NALF1: variants seen among roughly 807,000 people sequenced by gnomAD.
The protein encoded by NALF1 is family with sequence similarity 155 member A.
Under a neutral mutation model 48.4 loss-of-function variants are expected in NALF1, and 3 were observed. The observed-to-expected ratio is 0.06, with a 90% CI of 0.03 to 0.16. NALF1 has a LOEUF of 0.16. Among genes scored for constraint, NALF1 ranks in the 10% least tolerant of loss-of-function variants. The probability of loss-of-function intolerance (pLI) is 1.00; values close to 1 mark genes in which losing one functional copy is unlikely to be tolerated. For synonymous variants in NALF1, 262 were observed against 245.7 expected, an observed-to-expected ratio of 1.07 and a Z score of -0.62; for missense variants, 526 against 571.5, an observed-to-expected ratio of 0.92 and a Z score of 0.81.
At chr13:107,746,095 T>C (rs963862509) in intron 1 of NALF1, among the ~76,000 whole-genome samples, 5 of 152,168 alleles carry the variant, frequency 3.3e-5, no homozygotes, top group African/African-American at 9.7e-5. Context: ...GGGAGAAATA[T>C]TTGCCAAAGC....
chr13:107,580,911 A>G (rs1878289057), intron 1 of NALF1, among the ~76,000 whole-genome samples: 1 of 152,186 alleles, frequency 6.6e-6, no homozygotes, highest in Non-Finnish European at 1.5e-5. Flanking sequence ...AGAAAGAGTC[A>G]CCTTAACAAT....
At chr13:107,500,896 G>T (rs955618456) in intron 1 of NALF1, among the ~76,000 whole-genome samples, 1 of 149,376 alleles carries the variant, frequency 6.7e-6, no homozygotes, top group Non-Finnish European at 1.5e-5. Flanking sequence ...GGTGGGAACT[G>T]AACAATGAAA....
intron 1 of NALF1, among the ~76,000 whole-genome samples, chr13:107,847,255 G>T (rs562459603): frequency 6.6e-6 from 1 of 152,036 alleles, no homozygotes; most frequent in African/African-American, 2.4e-5. Context: ...ATTTCTCTTT[G>T]ATTTATTGAC....
chr13:107,535,437 C>A (rs962983221), intron 1 of NALF1, among the ~76,000 whole-genome samples: 23 of 150,450 alleles, frequency 1.5e-4, no homozygotes, highest in African/African-American at 5.8e-4. Context: ...CAATAACAGA[C>A]AAACAGAGAG....
intron 1 of NALF1, among the ~76,000 whole-genome samples, chr13:107,762,154 G>A (rs1209104601): frequency 6.6e-6 from 1 of 151,916 alleles, no homozygotes. Flanking sequence ...GTGTGCTATG[G>A]TGCCAGGAAT....
intron 1 of NALF1, among the ~76,000 whole-genome samples, chr13:107,364,731 C>G (rs574594948): frequency 1.3e-5 from 2 of 152,106 alleles, no homozygotes; most frequent in African/African-American, 4.8e-5. Flanking sequence ...AGGATCTTCA[C>G]TGTAATACAG....
chr13:107,642,076 G>C (rs576924847), intron 1 of NALF1, among the ~76,000 whole-genome samples: 1 of 152,138 alleles, frequency 6.6e-6, no homozygotes, highest in Admixed American at 6.5e-5. Context: ...CTGGGAGCAC[G>C]TTGGAAAGGC....
intron 1 of NALF1, among the ~76,000 whole-genome samples, chr13:107,570,412 T>C (rs1446467642): frequency 6.6e-6 from 1 of 152,026 alleles, no homozygotes; most frequent in Non-Finnish European, 1.5e-5. Context: ...GTACTGAATT[T>C]TGTCAAATGT....
chr13:107,284,712 G>A (rs1881457759), intron 1 of NALF1, among the ~76,000 whole-genome samples: 1 of 152,142 alleles, frequency 6.6e-6, no homozygotes, highest in East Asian at 1.9e-4. Flanking sequence ...TAAAGAAGCA[G>A]TAGAGAGCTT....
chr13:107,187,999 C>A (rs920091973), intron 2 of NALF1, among the ~76,000 whole-genome samples: 1 of 151,992 alleles, frequency 6.6e-6, no homozygotes, highest in Non-Finnish European at 1.5e-5. Flanking sequence ...GTTTTTCATT[C>A]AATCATAATA....
chr13:107,281,258 T>C (rs367878816), intron 1 of NALF1, among the ~76,000 whole-genome samples: 1 of 152,314 alleles, frequency 6.6e-6, no homozygotes, highest in East Asian at 1.9e-4. Context: ...TGGTACATGG[T>C]TGACGATGAT....
chr13:107,492,577 A>T (rs1875177857), intron 1 of NALF1, among the ~76,000 whole-genome samples: 1 of 152,126 alleles, frequency 6.6e-6, no homozygotes, highest in African/African-American at 2.4e-5. Flanking sequence ...GCTTGCTATG[A>T]TATCCTATCC....
At chr13:107,472,049 T>C (rs1885109312) in intron 1 of NALF1, among the ~76,000 whole-genome samples, 1 of 152,168 alleles carries the variant, frequency 6.6e-6, no homozygotes, top group Non-Finnish European at 1.5e-5. Flanking sequence ...ACTTCAGATA[T>C]AGCCAGGCGC....
At position 107,500,425 on chromosome 13, in the gene NALF1, A is replaced by G. The variant is rs544157655; in HGVS notation, c.916-289670T>C. Reference sequence around the variant, plus strand: ...TGAGACACCATCTCACATCAGTTAGAATGGCAATCATTAAAAAGTCAGGAA... The same window carrying G: ...TGAGACACCATCTCACATCAGTTAGGATGGCAATCATTAAAAAGTCAGGAA... On this transcript the variant is annotated intron_variant, in intron 1 of 2. Coordinates refer to ENST00000375915, the MANE Select transcript of NALF1 (RefSeq NM_001080396.3). 2.6e-4 allele frequency among the ~76,000 whole-genome samples: 39 copies of G among 152,102 alleles called. 1 individual carries two copies. In the East Asian group the frequency reaches 3.9e-3, roughly 15 times the overall value.
chr13:107,178,214 A>G (rs901772468), intron 2 of NALF1, among the ~76,000 whole-genome samples: 3 of 152,228 alleles, frequency 2.0e-5, no homozygotes, highest in Non-Finnish European at 1.5e-5. Context: ...AGATCACACC[A>G]AGTTAAAACG....
chr13:107,801,968 G>GT (rs1269409562), intron 1 of NALF1, among the ~76,000 whole-genome samples: 1 of 151,942 alleles, frequency 6.6e-6, no homozygotes, highest in African/African-American at 2.4e-5. Context: ...AAGGAACCAT[G>GT]TTTTTTGCCT....
chr13:107,756,771 CCTCGGAACCAGGACCTACGCTCT>C (rs1476217275), intron 1 of NALF1, among the ~76,000 whole-genome samples: 1 of 152,018 alleles, frequency 6.6e-6, no homozygotes, highest in Non-Finnish European at 1.5e-5. Context: ...AACAATTAAC[CCTCGGAACCAGGACCTACGCTCT>C]CCCTTTCACA....
chr13:107,343,572 G>A (rs1057385595), intron 1 of NALF1, among the ~76,000 whole-genome samples: 1 of 152,044 alleles, frequency 6.6e-6, no homozygotes, highest in African/African-American at 2.4e-5. Flanking sequence ...TCCAGCCAAG[G>A]GGAACTATAA....
chr13:107,428,874 C>T (rs1028938399), intron 1 of NALF1, among the ~76,000 whole-genome samples: 2 of 152,140 alleles, frequency 1.3e-5, no homozygotes, highest in African/African-American at 4.8e-5. Context: ...TTTGAAGAAC[C>T]TTCCATATAA....
Sources: gnomAD v4.1 joint callset for allele counts (sites outside exome capture counted in the v4.1 genomes callset) on GRCh38, gnomAD v4.1.1 for gene constraint, MANE v1.5 for transcripts, NCBI Gene and HGNC (gene_info 2026-07-23, HGNC 2026-07-21) for gene names.